NEURL1: variants seen among roughly 807,000 people sequenced by gnomAD.
NEURL1 encodes the protein neuralized E3 ubiquitin protein ligase 1.
A neutral mutation model predicts 41.2 loss-of-function variants in NEURL1; 26 were observed. The ratio of observed to expected loss-of-function variants is 0.63; its 90% CI spans 0.46 to 0.87. NEURL1 has a LOEUF of 0.87. Ranked by LOEUF, NEURL1 falls within the 40% of genes least tolerant of loss-of-function variation. The probability of loss-of-function intolerance (pLI) is 0.00; values close to 1 mark genes in which losing one functional copy is unlikely to be tolerated. For missense variants in NEURL1, 761 were observed against 871.1 expected (o/e 0.87, Z 1.59); for synonymous variants, 400 against 402.3 (o/e 0.99, Z 0.07).
Position 103,585,082 on chromosome 10 carries a change from TG to T in NEURL1, c.1199del (p.Gly400AlafsTer104). On this transcript the variant is annotated frameshift_variant, in exon 4 of 6. Coordinates refer to ENST00000369780, the MANE Select transcript of NEURL1 (RefSeq NM_004210.5). LOFTEE classifies it high-confidence loss of function. ...GGGCCCCTGCACAGCGGCGACATCC[TG>T]GGCCTGGTGGTCAACGCCGACGGCG... is the stretch of plus-strand genomic sequence containing the variant. Reference protein sequence around the residue: ...VPGPLHSGDILGLVVNADGEL... With the variant: ...VPGPLHSGDIXGLVVNADGEL... 6.3e-7 allele frequency: 1 copy of T among 1,590,634 alleles called. No homozygotes were observed.
intron 4 of NEURL1, among the ~76,000 whole-genome samples, chr10:103,586,231 T>G (rs2133886041): frequency 6.6e-6 from 1 of 152,248 alleles, no homozygotes; most frequent in South Asian, 2.1e-4. Context: ...TTTTCCATAC[T>G]AATTTGACCG....
chr10:103,581,502 C>G (rs1425319836), intron 3 of NEURL1, among the ~76,000 whole-genome samples: 1 of 152,158 alleles, frequency 6.6e-6, no homozygotes, highest in East Asian at 1.9e-4. Context: ...CCAAGAAGTT[C>G]AGCTATTTGT....
intron 1 of NEURL1, among the ~76,000 whole-genome samples, chr10:103,549,870 A>T (rs938538501): frequency 6.6e-6 from 1 of 152,204 alleles, no homozygotes; most frequent in African/African-American, 2.4e-5. Flanking sequence ...CCTGGGTCCC[A>T]GTCCTCCTTG....
chr10:103,585,036 T>C lies in NEURL1; in HGVS notation c.1150T>C (p.Trp384Arg). 1 of 1,587,740 alleles carries C rather than the reference T, an allele frequency of 6.3e-7. No homozygotes were observed. The highest frequency in any genetic ancestry group is 8.5e-7 in the Non-Finnish European group (1 of 1,175,192). ...PEALVDRKEF[W>R]AVCRVPGPLH... is the part of the protein sequence containing the mutation. Reference sequence around the variant, plus strand: ...GGCCCTGGTGGACCGCAAGGAATTCTGGGCCGTGTGCCGCGTGCCCGGGCC... The same window carrying C: ...GGCCCTGGTGGACCGCAAGGAATTCCGGGCCGTGTGCCGCGTGCCCGGGCC... The change falls in exon 4 of 6, where the codon TGG becomes CGG. Residue 384 changes from tryptophan to arginine, a missense_variant. Physicochemically the swap from Trp to Arg is moderately radical, Grantham distance 101. Transcript: ENST00000369780.
chr10:103,509,000 G>A lies in NEURL1; in HGVS notation c.85+14528G>A, dbSNP rs1320649660. 5.3e-5 allele frequency among the ~76,000 whole-genome samples: 8 copies of A among 152,106 alleles called. No homozygotes were observed. The highest frequency in any genetic ancestry group is 7.4e-5 in the Non-Finnish European group (5 of 68,016). On this transcript the variant is annotated intron_variant, in intron 1 of 5. Transcript: ENST00000369780. The surrounding 1 kb of genome is among the most constrained non-coding windows in gnomAD (Gnocchi z 4.3). Reference sequence around the variant, plus strand: ...CACCTCCTTAGCACGAGGCTGAGGCGGGTGGATCACCTGAGGTCAGGAGTT... The same window carrying A: ...CACCTCCTTAGCACGAGGCTGAGGCAGGTGGATCACCTGAGGTCAGGAGTT...
intron 1 of NEURL1, among the ~76,000 whole-genome samples, chr10:103,563,159 G>T (rs1202452591): frequency 6.6e-6 from 1 of 152,194 alleles, no homozygotes; most frequent in African/African-American, 2.4e-5. Flanking sequence ...ACTGAAATGA[G>T]CCGATCATTT....
rs114665482 is a variant in NEURL1 at position 103,565,575 on chromosome 10, G to A, written c.86-5297G>A. Among the ~76,000 whole-genome samples, 954 of 152,360 alleles carry A rather than the reference G, an allele frequency of 6.3e-3. 9 individuals carry two copies. The highest frequency in any genetic ancestry group is 0.022 in the African/African-American group (901 of 41,580). On this transcript the variant is annotated intron_variant, in intron 1 of 5. Coordinates refer to ENST00000369780, the MANE Select transcript of NEURL1 (RefSeq NM_004210.5). ...CCCAGGGTGAGCTGATGGGGGTGCC[G>A]TGGTGGTGAGAAAGTGCAGCCTCTC...
intron 1 of NEURL1, among the ~76,000 whole-genome samples, chr10:103,534,802 C>T (rs1043504488): frequency 1.3e-5 from 2 of 152,002 alleles, no homozygotes; most frequent in African/African-American, 4.8e-5. Flanking sequence ...GCGTATTATG[C>T]CACCTGGGTC....
chr10:103,580,554 C>G (rs143856299), intron 3 of NEURL1, among the ~76,000 whole-genome samples: 1 of 152,286 alleles, frequency 6.6e-6, no homozygotes, highest in African/African-American at 2.4e-5. Flanking sequence ...TCAACTGTGA[C>G]CTTTGCCGTC....
At chr10:103,512,256 G>A (rs978899568) in intron 1 of NEURL1, 11 of 152,560 alleles carry the variant, frequency 7.2e-5, no homozygotes, top group African/African-American at 2.7e-4. Flanking sequence ...TTGAAGAATG[G>A]TGGAGAAGTT....
intron 1 of NEURL1, among the ~76,000 whole-genome samples, chr10:103,565,535 A>G (rs2035404686): frequency 3.3e-5 from 5 of 152,238 alleles, no homozygotes; most frequent in Admixed American, 3.3e-4. Context: ...GTAGATGGCC[A>G]CATCCTAGGC....
chr10:103,536,136 G>C (rs1278959175), intron 1 of NEURL1, among the ~76,000 whole-genome samples: 4 of 152,128 alleles, frequency 2.6e-5, no homozygotes, highest in African/African-American at 7.2e-5. Flanking sequence ...TGATCCTGGT[G>C]GGGGGATGGA....
At position 103,592,227 on chromosome 10, in the gene NEURL1, C is replaced by G. The variant is rs1336053649; in HGVS notation, c.*1855C>G. 1 of 152,372 alleles carries G rather than the reference C, an allele frequency of 6.6e-6. No homozygotes were observed. Among genetic ancestry groups the G allele is most frequent in the Non-Finnish European group, 1.5e-5 (1 of 68,122 alleles). The allele number at this position is 152,372 out of a possible 1,614,324, so 9.4% of individuals were successfully genotyped here. Reference sequence around the variant, plus strand: ...AGAGGGGCAGGCTTTCTGTGTGACTCGGGAGTTCTTCCGTGAGGGCTGCCA... The same window carrying G: ...AGAGGGGCAGGCTTTCTGTGTGACTGGGGAGTTCTTCCGTGAGGGCTGCCA... On this transcript the variant is annotated 3_prime_UTR_variant, in exon 6 of 6. Transcript: ENST00000369780. The surrounding 1 kb of genome is among the most constrained non-coding windows in gnomAD (Gnocchi z 4.8).
intron 1 of NEURL1, chr10:103,515,426 A>G (rs1410951592): frequency 6.6e-6 from 1 of 152,248 alleles, no homozygotes; most frequent in African/African-American, 2.4e-5. Flanking sequence ...GAGAGATGTT[A>G]GAAAGTGTGG....
chr10:103,551,196 A>T (rs996876887), intron 1 of NEURL1, among the ~76,000 whole-genome samples: 1 of 151,750 alleles, frequency 6.6e-6, no homozygotes, highest in African/African-American at 2.4e-5. Flanking sequence ...GTTGGTGTAT[A>T]GTGGGCACTC....
intron 1 of NEURL1, among the ~76,000 whole-genome samples, chr10:103,568,139 C>T (rs2035464305): frequency 1.3e-5 from 2 of 152,132 alleles, no homozygotes; most frequent in Admixed American, 6.5e-5. Flanking sequence ...TGCCTGGGTG[C>T]ACATGGTGCC....
chr10:103,578,202 C>G (rs2035705645), intron 3 of NEURL1, among the ~76,000 whole-genome samples: 1 of 152,220 alleles, frequency 6.6e-6, no homozygotes, highest in South Asian at 2.1e-4. Flanking sequence ...ACACACCCCA[C>G]TTACCTCACA....
Position 103,584,841 on chromosome 10 carries a change from G to C in NEURL1, c.955G>C (p.Gly319Arg), listed in dbSNP as rs760162838. 7 of 1,408,292 alleles carry C rather than the reference G, an allele frequency of 5.0e-6. No individual in the cohort carries two copies. In the African/African-American group the frequency reaches 1.1e-4, roughly 21 times the overall value. The allele number at this position is 1,408,292 out of a possible 1,614,324, so 87.2% of individuals were successfully genotyped here. ...DEQTVARVEH[G>R]RDERALVFTS... ...GCAGACGGTGGCGCGCGTGGAGCAC[G>C]GGCGCGACGAGCGCGCGCTCGTCTT... Residue 319 changes from glycine (G) to arginine (R), a missense_variant, in exon 4 of 6, where the codon GGG (glycine) becomes CGG (arginine). Coordinates refer to ENST00000369780, the MANE Select transcript of NEURL1 (RefSeq NM_004210.5).
intron 3 of NEURL1, among the ~76,000 whole-genome samples, chr10:103,579,180 A>T (rs539446705): frequency 6.1e-4 from 93 of 152,288 alleles, no homozygotes; most frequent in African/African-American, 2.1e-3. Flanking sequence ...GGCCCTCCTC[A>T]GTCTGTCTCC....
Sources: allele counts gnomAD v4.1 joint callset (sites outside exome capture counted in the v4.1 genomes callset), GRCh38; gene constraint gnomAD v4.1.1; non-coding constraint Gnocchi (gnomAD v3.1); transcripts MANE v1.5; gene names NCBI Gene and HGNC (gene_info 2026-07-23, HGNC 2026-07-21).